CNBD1: variants seen among roughly 807,000 people sequenced by gnomAD.
CNBD1 encodes cyclic nucleotide binding domain containing 1.
In CNBD1, 71 loss-of-function variants were observed where a neutral mutation model predicts 54.4. The ratio of observed to expected loss-of-function variants is 1.30; its 90% CI spans 1.08 to 1.59. The LOEUF is 1.59. CNBD1 is among the 40% of genes most tolerant of loss of function. The probability of loss-of-function intolerance (pLI) is 0.00; values close to 1 mark genes in which losing one functional copy is unlikely to be tolerated. For missense variants in CNBD1, 659 were observed against 518.0 expected, an observed-to-expected ratio of 1.27 and a Z score of -2.64; for synonymous variants, 182 against 170.7, an observed-to-expected ratio of 1.07 and a Z score of -0.51.
At chr8:87,238,645 C>A (rs1807630360) in intron 6 of CNBD1, among the ~76,000 whole-genome samples, 1 of 151,988 alleles carries the variant, frequency 6.6e-6, no homozygotes. Flanking sequence ...ATATTTATAT[C>A]TATGTGCATA....
chr8:86,951,953 A>G (rs1032319687), intron 4 of CNBD1, among the ~76,000 whole-genome samples: 1 of 152,200 alleles, frequency 6.6e-6, no homozygotes, highest in Non-Finnish European at 1.5e-5. Context: ...ATTGGTCCAC[A>G]AGGAAATTCC....
chr8:87,008,788 A>G (rs1809154891), intron 4 of CNBD1, among the ~76,000 whole-genome samples: 1 of 152,148 alleles, frequency 6.6e-6, no homozygotes, highest in African/African-American at 2.4e-5. Context: ...CTTTTACCAA[A>G]CAACCTTTGT....
At chr8:87,153,218 T>C (rs1812643913) in intron 4 of CNBD1, among the ~76,000 whole-genome samples, 1 of 152,324 alleles carries the variant, frequency 6.6e-6, no homozygotes, top group Non-Finnish European at 1.5e-5. Flanking sequence ...AGCACTTTAC[T>C]AGTCTCTTGG....
chr8:87,076,342 T>C (rs1810872254), intron 4 of CNBD1, among the ~76,000 whole-genome samples: 1 of 152,234 alleles, frequency 6.6e-6, no homozygotes, highest in South Asian at 2.1e-4. Context: ...ATATGGTCAC[T>C]CTACAAATAG....
chr8:87,189,255 G>A (rs1813548103), intron 4 of CNBD1, among the ~76,000 whole-genome samples: 1 of 152,066 alleles, frequency 6.6e-6, no homozygotes. Context: ...CTTATGAACC[G>A]AGTTTGTGAT....
intron 4 of CNBD1, among the ~76,000 whole-genome samples, chr8:87,132,799 A>G (rs185881221): frequency 5.2e-4 from 76 of 145,824 alleles, no homozygotes; most frequent in Admixed American, 3.4e-4. Context: ...ATATATGTGT[A>G]TATATATACA....
chr8:86,928,044 T>TC (rs1809393349), intron 3 of CNBD1, among the ~76,000 whole-genome samples: 1 of 152,108 alleles, frequency 6.6e-6, no homozygotes, highest in Non-Finnish European at 1.5e-5. Context: ...AGTATGGTCC[T>TC]TCCCACAAGT....
At chr8:87,220,552 A>G (rs1477274915) in intron 5 of CNBD1, among the ~76,000 whole-genome samples, 1 of 135,530 alleles carries the variant, frequency 7.4e-6, no homozygotes, top group Non-Finnish European at 1.6e-5. Flanking sequence ...CATTGCTGTG[A>G]TTCAACTTTA....
chr8:87,301,676 C>T (rs1467498085), intron 8 of CNBD1, among the ~76,000 whole-genome samples: 2 of 151,816 alleles, frequency 1.3e-5, no homozygotes, highest in Non-Finnish European at 2.9e-5. Flanking sequence ...CACAAAAAAC[C>T]CTTCAAAAAA....
chr8:86,878,823 A>G (rs746094765), intron 1 of CNBD1, among the ~76,000 whole-genome samples: 1 of 152,132 alleles, frequency 6.6e-6, no homozygotes, highest in African/African-American at 2.4e-5. Context: ...ATGTTTCACT[A>G]TTTGGTTGAT....
At chr8:86,893,078 T>A (rs983964636) in intron 2 of CNBD1, among the ~76,000 whole-genome samples, 2 of 152,156 alleles carry the variant, frequency 1.3e-5, no homozygotes, top group African/African-American at 4.8e-5. Flanking sequence ...TATTTTGAGG[T>A]TTCCTCTGAT....
chr8:87,271,477 A>T (rs1342435113), intron 6 of CNBD1, among the ~76,000 whole-genome samples: 1 of 151,814 alleles, frequency 6.6e-6, no homozygotes, highest in Non-Finnish European at 1.5e-5. Flanking sequence ...GAATTTTTAA[A>T]TTTTCTTCTT....
intron 8 of CNBD1, among the ~76,000 whole-genome samples, chr8:87,341,702 G>T (rs1382023937): frequency 6.6e-6 from 1 of 152,176 alleles, no homozygotes; most frequent in Non-Finnish European, 1.5e-5. Context: ...CTGATCTCTT[G>T]TGAAGAAAAG....
intron 4 of CNBD1, among the ~76,000 whole-genome samples, chr8:87,024,214 G>A (rs1435080088): frequency 2.8e-5 from 4 of 142,016 alleles, no homozygotes; most frequent in African/African-American, 1.1e-4. Flanking sequence ...ACTCCAGCCT[G>A]GGTGACAGAG....
At chr8:87,426,245 T>C (rs1808047977) in intron 2 of CNBD1, among the ~76,000 whole-genome samples, 1 of 152,128 alleles carries the variant, frequency 6.6e-6, no homozygotes, top group Admixed American at 6.5e-5. Context: ...ATGAACCCGG[T>C]ACCTCAGATG....
chr8:87,063,721 A>G (rs946508573), intron 4 of CNBD1, among the ~76,000 whole-genome samples: 1 of 152,042 alleles, frequency 6.6e-6, no homozygotes. Context: ...TATTTTCAGT[A>G]TTGAGTCTTC....
At chr8:87,377,181 T>C (rs1563577015) in intron 10 of CNBD1, among the ~76,000 whole-genome samples, 3 of 151,182 alleles carry the variant, frequency 2.0e-5, no homozygotes, top group Non-Finnish European at 1.5e-5. Flanking sequence ...CTTTAAGTTT[T>C]ACGGTACATG....
chr8:86,872,766 A>G (rs1166499914), intron 1 of CNBD1, among the ~76,000 whole-genome samples: 1 of 151,914 alleles, frequency 6.6e-6, no homozygotes, highest in Non-Finnish European at 1.5e-5. Context: ...TTCAAGTTGG[A>G]CTATGTGTTT....
chr8:86,928,518 T>TGGGAC (rs1205290307), intron 3 of CNBD1, among the ~76,000 whole-genome samples: 1 of 152,214 alleles, frequency 6.6e-6, no homozygotes, highest in Non-Finnish European at 1.5e-5. Context: ...TGTCACTTTG[T>TGGGAC]AAGCTTTGGG....
Sources: allele counts gnomAD v4.1 joint callset (sites outside exome capture counted in the v4.1 genomes callset), GRCh38; gene constraint gnomAD v4.1.1; transcripts MANE v1.5; gene names NCBI Gene and HGNC (gene_info 2026-07-23, HGNC 2026-07-21).